Variants in HTRA4 observed in about 807,000 individuals in gnomAD.
HTRA4 encodes HtrA serine peptidase 4.
HTRA4 carries 46 observed loss-of-function variants against 49.1 expected under a neutral mutation model. The observed-to-expected ratio is 0.94, with a 90% confidence interval of 0.74 to 1.20. HTRA4 has a LOEUF of 1.20. Ranked by LOEUF, HTRA4 falls within the 50% of genes most tolerant of loss-of-function variation. The pLI, the probability that HTRA4 is intolerant of heterozygous loss-of-function variation, is 0.00. For missense variants in HTRA4, 602 were observed against 636.9 expected (o/e 0.95, Z 0.59); for synonymous variants, 261 against 264.0 (o/e 0.99, Z 0.11).
chr8:38,977,946 C>G lies in HTRA4; in HGVS notation c.772-7C>G. 6.2e-7 allele frequency: 1 copy of G among 1,612,256 alleles called. No individual in the cohort carries two copies. Among genetic ancestry groups the G allele is most frequent in the Non-Finnish European group, 8.5e-7 (1 of 1,179,508 alleles). ...TGTCCTCCCCATCCCTTTTTGGGCA[C>G]GTGCAGGCTGAACTTCCTGTACTGA... On this transcript the variant is annotated splice_polypyrimidine_tract_variant and splice_region_variant and intron_variant, in intron 3 of 8. Transcript: ENST00000302495.
In HTRA4 at chr8:38,978,081, A is replaced by G; in HGVS notation, c.900A>G (p.Arg300=). The G allele has an allele frequency of 3.7e-6, 6 of 1,614,176 alleles. No homozygotes were observed. Among genetic ancestry groups the G allele is most frequent in the Non-Finnish European group, 4.2e-6 (5 of 1,180,028 alleles). The change falls in exon 4 of 9, where the codon CGA becomes CGG. Residue 300 remains arginine (R), a synonymous_variant. Coordinates refer to ENST00000302495, the MANE Select transcript of HTRA4 (RefSeq NM_153692.4). ...ATAGIVSTKQ[R]GGKELGMKDS... ...CAGGAATTGTCAGCACCAAACAGCG[A>G]GGGGGCAAAGAACTGGGGATGAAGG...
At chr8:38,985,538 C>T (rs965736573) in intron 8 of HTRA4, among the ~76,000 whole-genome samples, 8 of 152,196 alleles carry the variant, frequency 5.3e-5, no homozygotes, top group African/African-American at 1.4e-4. Context: ...GCACCACTTT[C>T]ACTGGGGCTT....
chr8:38,987,914 CTT>C lies in HTRA4; in HGVS notation c.1269-15_1269-14del. 1.3e-6 allele frequency: 2 copies of C among 1,527,678 alleles called. No homozygotes were observed. The highest frequency in any genetic ancestry group is 1.7e-6 in the Non-Finnish European group (2 of 1,143,688). 94.6% of individuals were successfully genotyped at this position (1,527,678 alleles called of 1,614,324 possible). On this transcript the variant is annotated intron_variant, in intron 8 of 8. Coordinates refer to ENST00000302495, the MANE Select transcript of HTRA4 (RefSeq NM_153692.4). ...ATTCTTGTTATAGTTTCATGATCCT[CTT>C]TTTTTTCTCCCTCTCTCAGCTCTGG...
chr8:38,975,065 C>G lies in HTRA4; in HGVS notation c.501C>G (p.Tyr167Ter). ...GCGCAGGCCCGCTCAGGAGGAATTA[C>G]AACTTCATCGCCGCGGTGGTGGAGA... ...TRSAGPLRRN[Y>*]NFIAAVVEKV... is the part of the protein sequence containing the mutation. The change falls in exon 2 of 9, where the codon TAC becomes TAG. Residue 167 changes from tyrosine (Y) to a stop codon, truncating the protein, a stop_gained. Transcript: ENST00000302495. LOFTEE classifies it high-confidence loss of function. The G allele has an allele frequency of 6.2e-7, 1 of 1,614,076 alleles. No individual in the cohort carries two copies. Among genetic ancestry groups the G allele is most frequent in the South Asian group, 1.1e-5 (1 of 91,076 alleles).
At position 38,978,079 on chromosome 8, in the gene HTRA4, C is replaced by T. The variant is rs745851946; in HGVS notation, c.898C>T (p.Arg300Ter). 6 of 1,613,888 alleles carry T rather than the reference C, an allele frequency of 3.7e-6. No individual in the cohort carries two copies. The African/African-American group carries it at 4.0e-5, about 11-fold the overall frequency. Reference sequence around the variant, plus strand: ...TGCAGGAATTGTCAGCACCAAACAGCGAGGGGGCAAAGAACTGGGGATGAA... The same window carrying T: ...TGCAGGAATTGTCAGCACCAAACAGTGAGGGGGCAAAGAACTGGGGATGAA... ...ATAGIVSTKQ[R>*]GGKELGMKDS... is the part of the protein sequence containing the mutation. The change falls in exon 4 of 9, where the codon CGA becomes TGA. Residue 300 changes from arginine to a stop codon, truncating the protein, a stop_gained. Coordinates refer to ENST00000302495, the MANE Select transcript of HTRA4 (RefSeq NM_153692.4). LOFTEE classifies it high-confidence loss of function.
At chr8:38,986,982 TTC>T (rs957921466) in intron 8 of HTRA4, among the ~76,000 whole-genome samples, 8 of 152,366 alleles carry the variant, frequency 5.3e-5, no homozygotes, top group Middle Eastern at 3.4e-3. Flanking sequence ...TCTCTATAAG[TTC>T]TTTCTTTGTA....
chr8:38,986,122 C>T (rs1835480243), intron 8 of HTRA4, among the ~76,000 whole-genome samples: 1 of 152,184 alleles, frequency 6.6e-6, no homozygotes, highest in Admixed American at 6.5e-5. Flanking sequence ...GACTGCACCA[C>T]TGTATTCCAG....
intron 7 of HTRA4, 44 bp from the exon 8 acceptor site, chr8:38,982,909 C>T (rs747534255): frequency 3.7e-6 from 5 of 1,366,896 alleles, no homozygotes; most frequent in Admixed American, 1.7e-5. Flanking sequence ...TACCAGGGCT[C>T]AGGAGACTAA....
rs762632041 is a variant in HTRA4, at chr8:38,987,933, C to T, written c.1269-3C>T. Reference sequence around the variant, plus strand: ...GATCCTCTTTTTTTTCTCCCTCTCTCAGCTCTGGATTGAGAGATCACGATG... The same window carrying T: ...GATCCTCTTTTTTTTCTCCCTCTCTTAGCTCTGGATTGAGAGATCACGATG... On this transcript the variant is annotated splice_polypyrimidine_tract_variant and splice_region_variant and intron_variant, in intron 8 of 8. Coordinates refer to ENST00000302495, the MANE Select transcript of HTRA4 (RefSeq NM_153692.4). The T allele has an allele frequency of 3.2e-5, 49 of 1,547,764 alleles. No homozygotes were observed. Among genetic ancestry groups the T allele is most frequent in the Admixed American group, 4.5e-5 (2 of 44,518 alleles).
At chr8:38,981,449 G>C (rs143471165) in intron 5 of HTRA4, among the ~76,000 whole-genome samples, 1 of 152,002 alleles carries the variant, frequency 6.6e-6, no homozygotes, top group Admixed American at 6.6e-5. Context: ...TAACTTCTGC[G>C]CATGTGCAGT....
Position 38,982,923 on chromosome 8 carries a change from A to T in HTRA4, c.1173-30A>T, listed in dbSNP as rs369022593. ...TTACCAGGGCTCAGGAGACTAATTC[A>T]TTGTTTCCTAATCTTCTCACTTCTC... On this transcript the variant is annotated intron_variant, in intron 7 of 8. Coordinates refer to ENST00000302495, the MANE Select transcript of HTRA4 (RefSeq NM_153692.4). 2.0e-4 allele frequency: 293 copies of T among 1,492,194 alleles called. 1 individual carries two copies. The African/African-American group carries it at 3.7e-3, about 19-fold the overall frequency. 92.4% of individuals were successfully genotyped at this position (1,492,194 alleles called of 1,614,324 possible).
chr8:38,976,397 C>CAAAAAAG (rs1835351712), intron 2 of HTRA4, 138 bp from the exon 3 acceptor site: 6 of 853,046 alleles, frequency 7.0e-6, no homozygotes, highest in African/African-American at 1.7e-5. Flanking sequence ...GATTCTGTCT[C>CAAAAAAG]AAAAAAGAAA....
intron 8 of HTRA4, among the ~76,000 whole-genome samples, chr8:38,983,345 T>C (rs900971986): frequency 1.3e-5 from 2 of 152,210 alleles, no homozygotes; most frequent in Admixed American, 1.3e-4. Context: ...GAGACCAGCA[T>C]GGCCAACATA....
intron 6 of HTRA4, among the ~76,000 whole-genome samples, 173 bp downstream of exon 6, chr8:38,981,940 T>C (rs1308177036): frequency 6.6e-6 from 1 of 152,020 alleles, no homozygotes; most frequent in African/African-American, 2.4e-5. Context: ...CTCTGCCTCC[T>C]GGGTTCAAGC....
intron 2 of HTRA4, among the ~76,000 whole-genome samples, chr8:38,975,671 C>A (rs1210029955): frequency 6.6e-6 from 1 of 152,188 alleles, no homozygotes; most frequent in Non-Finnish European, 1.5e-5. Flanking sequence ...AGCCTCCCGA[C>A]GTGCTGGGAT....
rs773579385 is a variant in HTRA4, at chr8:38,976,545, G to A, written c.577G>A (p.Gly193Ser). 19 of 1,613,768 alleles carry A rather than the reference G, an allele frequency of 1.2e-5. No homozygotes were observed. Among genetic ancestry groups the A allele is most frequent in the Middle Eastern group, 1.7e-4 (1 of 5,736 alleles). The part of the protein sequence containing the change: ...HVQLWGRLLH[G>S]SRLVPVYSGS... ...GTCTTGTGGAGACAGGTTACTTCAC[G>A]GCAGCAGGCTTGTTCCTGTGTACAG... The change falls in exon 3 of 9, where the codon GGC (glycine) becomes AGC (serine). Residue 193 changes from glycine to serine, a missense_variant. Coordinates refer to ENST00000302495, the MANE Select transcript of HTRA4 (RefSeq NM_153692.4).
At chr8:38,976,770 C>T in intron 3 of HTRA4, 31 bp downstream of exon 3, 2 of 1,607,054 alleles carry the variant, frequency 1.2e-6, no homozygotes, top group South Asian at 1.1e-5. Flanking sequence ...TCAGAGTCTA[C>T]ATATTTGGGG....
chr8:38,974,776 G>A (rs1324763540), intron 1 of HTRA4, 47 bp downstream of exon 1: 27 of 1,408,316 alleles, frequency 1.9e-5, no homozygotes, highest in Non-Finnish European at 2.4e-5. Context: ...TAACTCTGGA[G>A]GAGCGTAAAG....
chr8:38,979,802 C>T (rs1340784442), intron 5 of HTRA4, among the ~76,000 whole-genome samples: 3 of 152,034 alleles, frequency 2.0e-5, no homozygotes, highest in Non-Finnish European at 4.4e-5. Flanking sequence ...CAGGCATGAG[C>T]CACCATGCTG....
Sources: allele counts gnomAD v4.1 joint callset (sites outside exome capture counted in the v4.1 genomes callset), GRCh38; gene constraint gnomAD v4.1.1; transcripts MANE v1.5; gene names NCBI Gene and HGNC (gene_info 2026-07-23, HGNC 2026-07-21).